Variants in JADE2 observed in about 807,000 individuals in gnomAD.
JADE2 encodes the protein jade family PHD finger 2.
JADE2 carries 13 observed loss-of-function variants against 85.7 expected under a neutral mutation model. That is an observed-to-expected ratio of 0.15 (90% CI 0.10 to 0.24). The LOEUF (loss-of-function observed/expected upper bound fraction) is 0.24. Among genes scored for constraint, JADE2 ranks in the 10% least tolerant of loss-of-function variants. The pLI, the probability that JADE2 is intolerant of heterozygous loss-of-function variation, is 1.00. For synonymous variants in JADE2, 440 were observed against 456.1 expected (o/e 0.96, Z 0.45); for missense variants, 846 against 1,115.9 (o/e 0.76, Z 3.45).
chr5:134,579,313 C>A lies in JADE2; in HGVS notation c.2501C>A (p.Ser834Tyr). ...GTGGTCCGCATGGGCGTACTGGCCT[C>A]CTAACTCACCCCCTTCCCTGTCCCA... The part of the protein sequence containing the change: ...EEVVRMGVLA[S>Y] The change falls in exon 12 of 12, where the codon TCC becomes TAC. Residue 834 changes from serine to tyrosine, a missense_variant. This residue lies in a region of JADE2 where 300 missense variants were observed against 300.7 expected (regional missense o/e 1.00). Transcript: ENST00000681547. This position sits in a 1 kb window ranked among gnomAD's most constrained non-coding sequence, Gnocchi z 4.6. 1 of 1,590,286 alleles carries A rather than the reference C, an allele frequency of 6.3e-7. No individual in the cohort carries two copies. Among genetic ancestry groups the A allele is most frequent in the Non-Finnish European group, 8.6e-7 (1 of 1,168,508 alleles).
chr5:134,568,997 G>C (rs1763827540), intron 9 of JADE2, among the ~76,000 whole-genome samples: 1 of 152,228 alleles, frequency 6.6e-6, no homozygotes, highest in South Asian at 2.1e-4. Context: ...GGCCTTGGTA[G>C]CCTGACTTTG....
chr5:134,570,133 C>T (rs1476745851), intron 9 of JADE2, among the ~76,000 whole-genome samples: 1 of 152,192 alleles, frequency 6.6e-6, no homozygotes, highest in Non-Finnish European at 1.5e-5. Flanking sequence ...CCAGTAAGAG[C>T]CACTCCCTCC....
intron 3 of JADE2, among the ~76,000 whole-genome samples, chr5:134,551,700 C>T (rs1762601914): frequency 6.6e-6 from 1 of 152,132 alleles, no homozygotes; most frequent in South Asian, 2.1e-4. Flanking sequence ...TTCACATTAG[C>T]CTCTCTGTCC....
At chr5:134,554,645 T>C (rs1198054444) in intron 4 of JADE2, among the ~76,000 whole-genome samples, 1 of 152,154 alleles carries the variant, frequency 6.6e-6, no homozygotes, top group Non-Finnish European at 1.5e-5. Flanking sequence ...TGTGCTAAGC[T>C]GACGTGAGCT....
chr5:134,555,698 ACAAT>A (rs1561745302), intron 4 of JADE2, among the ~76,000 whole-genome samples: 1 of 152,238 alleles, frequency 6.6e-6, no homozygotes, highest in Non-Finnish European at 1.5e-5. Flanking sequence ...TGCTTAGGGC[ACAAT>A]CAAAGCTGGT....
intron 7 of JADE2, among the ~76,000 whole-genome samples, chr5:134,563,763 G>A (rs1763473177): frequency 6.6e-6 from 1 of 152,246 alleles, no homozygotes; most frequent in South Asian, 2.1e-4. Context: ...CCACCTCTGA[G>A]TGTACCCTGG....
intron 9 of JADE2, among the ~76,000 whole-genome samples, chr5:134,568,069 T>G (rs116288554): frequency 0.011 from 1,619 of 152,344 alleles, 39 homozygotes; most frequent in African/African-American, 0.037. Context: ...TTACTCCTAC[T>G]GTTTCCCAAA....
At chr5:134,529,470 C>T (rs529781977) in intron 1 of JADE2, among the ~76,000 whole-genome samples, 1 of 152,350 alleles carries the variant, frequency 6.6e-6, no homozygotes, top group South Asian at 2.1e-4. Flanking sequence ...CAGTTACCAA[C>T]TGTCATAATG....
At chr5:134,554,096 A>G (rs1762769527) in intron 4 of JADE2, among the ~76,000 whole-genome samples, 1 of 152,088 alleles carries the variant, frequency 6.6e-6, no homozygotes, top group Non-Finnish European at 1.5e-5. Context: ...CCTGGGGCAA[A>G]GATCACAGCT....
At chr5:134,557,309 C>T in intron 4 of JADE2, among the ~76,000 whole-genome samples, 2 of 126,180 alleles carry the variant, frequency 1.6e-5, no homozygotes, top group Non-Finnish European at 1.7e-5. Flanking sequence ...AGAACCCATG[C>T]TCTTTATTAG....
At chr5:134,563,444 C>T (rs895275539) in intron 7 of JADE2, among the ~76,000 whole-genome samples, 6 of 152,132 alleles carry the variant, frequency 3.9e-5, no homozygotes, top group African/African-American at 1.4e-4. Flanking sequence ...CCACGGGCAA[C>T]AGGCTGGGTC....
At chr5:134,545,528 A>G (rs912281864) in intron 3 of JADE2, among the ~76,000 whole-genome samples, 1 of 151,854 alleles carries the variant, frequency 6.6e-6, no homozygotes, top group Admixed American at 6.6e-5. Context: ...TTTTAACTGC[A>G]TAAGTTTGCT....
At chr5:134,529,490 C>T (rs940603887) in intron 1 of JADE2, among the ~76,000 whole-genome samples, 1 of 152,206 alleles carries the variant, frequency 6.6e-6, no homozygotes, top group Non-Finnish European at 1.5e-5. Flanking sequence ...GGCTCTATAC[C>T]TCAGTTCCTT....
upstream of JADE2, among the ~76,000 whole-genome samples, chr5:134,524,894 CT>C (rs1405703177): frequency 1.2e-4 from 18 of 152,330 alleles, no homozygotes; most frequent in Admixed American, 3.3e-4. Flanking sequence ...CCTGCCAGCA[CT>C]TTCTGCTCAC....
upstream of JADE2, among the ~76,000 whole-genome samples, chr5:134,525,417 T>G (rs1375387144): frequency 6.9e-6 from 1 of 144,634 alleles, no homozygotes; most frequent in African/African-American, 2.6e-5. Context: ...GGCGTGGTGG[T>G]GGGGCTGCGA....
At chr5:134,558,985 G>T (rs1320009191) in intron 4 of JADE2, among the ~76,000 whole-genome samples, 1 of 152,226 alleles carries the variant, frequency 6.6e-6, no homozygotes, top group Non-Finnish European at 1.5e-5. Context: ...TGCCTCAGCG[G>T]CAGAGCTGTG....
rs548672184 is a variant in JADE2 at position 134,540,004 on chromosome 5, G to A, written c.153+1921G>A. Among the ~76,000 whole-genome samples, 73 of 152,216 alleles carry A rather than the reference G, an allele frequency of 4.8e-4. No individual in the cohort carries two copies. The Middle Eastern group carries it at 0.014, about 28-fold the overall frequency. ...TAGGGTATAGACAGTGTTTTCTCTG[G>A]GAATGCTGTTAAGAGAGGGGAATGC... On this transcript the variant is annotated intron_variant, in intron 3 of 11. Transcript: ENST00000681547.
At chr5:134,561,314 G>C (rs558692249) in intron 6 of JADE2, among the ~76,000 whole-genome samples, 3 of 152,200 alleles carry the variant, frequency 2.0e-5, no homozygotes, top group Admixed American at 1.3e-4. Flanking sequence ...TCAAATCGTG[G>C]CTCTGCCCTT....
At chr5:134,527,678 C>G (rs1760946657) in intron 1 of JADE2, among the ~76,000 whole-genome samples, 1 of 151,912 alleles carries the variant, frequency 6.6e-6, no homozygotes, top group African/African-American at 2.4e-5. Flanking sequence ...CGGAATCACG[C>G]CGGCGCGCCT....
Sources: allele counts gnomAD v4.1 joint callset (sites outside exome capture counted in the v4.1 genomes callset), GRCh38; gene constraint gnomAD v4.1.1; regional missense constraint gnomAD v4.1.1; non-coding constraint Gnocchi (gnomAD v3.1); transcripts MANE v1.5; gene names NCBI Gene and HGNC (gene_info 2026-07-23, HGNC 2026-07-21).